ATAD3B: variants seen among roughly 807,000 people sequenced by gnomAD.
ATAD3B encodes the protein ATPase family AAA domain-containing protein 3B.
Under a neutral mutation model 70.2 loss-of-function variants are expected in ATAD3B, and 59 were observed. The observed-to-expected ratio is 0.84, with a 90% CI of 0.68 to 1.04. The LOEUF is 1.04. Ranked by LOEUF, ATAD3B falls within the 50% of genes least tolerant of loss-of-function variation. The probability of loss-of-function intolerance (pLI) is 0.00; values close to 1 mark genes in which losing one functional copy is unlikely to be tolerated. For missense variants in ATAD3B, 961 were observed against 913.4 expected, an observed-to-expected ratio of 1.05 and a Z score of -0.67; for synonymous variants, 423 against 388.6, an observed-to-expected ratio of 1.09 and a Z score of -1.04.
chr1:1,480,810 T>C (rs1475272985), intron 4 of ATAD3B, 57 bp from the exon 5 acceptor site: 9 of 1,591,780 alleles, frequency 5.7e-6, no homozygotes, highest in Non-Finnish European at 7.7e-6. Flanking sequence ...TCTGGATTGG[T>C]GTTGAGCATT....
chr1:1,500,193 C>T (rs557903652), downstream of ATAD3B, among the ~76,000 whole-genome samples: 80 of 150,710 alleles, frequency 5.3e-4, no homozygotes, highest in African/African-American at 1.8e-3. Flanking sequence ...CCACCGCACC[C>T]GGCCTACACT....
chr1:1,486,595 G>T lies in ATAD3B; in HGVS notation c.1141G>T (p.Val381Leu), dbSNP rs141377718. The T allele has an allele frequency of 6.2e-7, 1 of 1,611,456 alleles. No individual in the cohort carries two copies. The part of the protein sequence containing the change: ...MDYAIMTGGD[V>L]APMGREGVTA... ...CTACGCCATCATGACAGGCGGGGAC[G>T]TGGCCCCCATGGGGCGGGAAGGCGT... The change falls in exon 11 of 16, where the codon GTG (valine) becomes TTG (leucine). Residue 381 changes from valine (V) to leucine (L), a missense_variant. This residue lies in a region of ATAD3B where 349 missense variants were observed against 307.5 expected (regional missense o/e 1.14). Coordinates refer to ENST00000673477, the MANE Select transcript of ATAD3B (RefSeq NM_031921.6).
At chr1:1,480,727 C>A (rs541102985) in intron 4 of ATAD3B, 140 bp from the exon 5 acceptor site, 1 of 1,455,600 alleles carries the variant, frequency 6.9e-7, no homozygotes. Flanking sequence ...GTGTCTGTGT[C>A]AGGGTGCGGC....
chr1:1,482,467 G>A (rs1192437168), intron 6 of ATAD3B, 78 bp from the exon 7 acceptor site: 13 of 1,610,442 alleles, frequency 8.1e-6, no homozygotes, highest in Admixed American at 3.3e-5. Context: ...CCATGTCAGG[G>A]CCTCACCCTC....
rs1465989463 is a variant in ATAD3B at position 1,492,951 on chromosome 1, AAAG to A, written c.1614+2283_1614+2285del. Among the ~76,000 whole-genome samples the A allele has an allele frequency of 1.7e-4, 26 of 149,972 alleles. No individual in the cohort carries two copies. The East Asian group carries it at 4.3e-3, about 25-fold the overall frequency. On this transcript the variant is annotated intron_variant, in intron 15 of 15. Coordinates refer to ENST00000673477, the MANE Select transcript of ATAD3B (RefSeq NM_031921.6). The stretch of plus-strand genomic sequence containing the variant: ...GATACTCCATCTCCAAAAAAAAAAA[AAAG>A]AAAGAAATTAACCTGGTGTGGTAGC...
Position 1,490,264 on chromosome 1 carries a change from C to G in ATAD3B, c.1345C>G (p.Leu449Val), listed in dbSNP as rs373123252. 5.0e-6 allele frequency: 8 copies of G among 1,612,350 alleles called. No individual in the cohort carries two copies. The highest frequency in any genetic ancestry group is 5.9e-6 in the Non-Finnish European group (7 of 1,179,266). Residue 449 changes from leucine (L) to valine (V), a missense_variant, in exon 14 of 16, where the codon CTG becomes GTG. By Grantham distance (32) the Leu-to-Val change is conservative. Around this residue, in one of 4 missense-constraint regions of ATAD3B, gnomAD observed 417 missense variants for 335.0 expected, o/e 1.24. Coordinates refer to ENST00000673477, the MANE Select transcript of ATAD3B (RefSeq NM_031921.6). ...HMGQHSNKFMLVLASNLPEQF... is the reference protein window; with the variant it reads ...HMGQHSNKFMVVLASNLPEQF... ...CCCATCCCTGTCCTACAGATTCATG[C>G]TGGTCCTGGCCAGCAATCTGCCTGA...
chr1:1,483,084 G>A (rs1332448767), intron 7 of ATAD3B: 7 of 454,204 alleles, frequency 1.5e-5, no homozygotes, highest in Admixed American at 4.7e-5. Flanking sequence ...CACGAGGTCC[G>A]GAGATCGAGA....
intron 7 of ATAD3B, among the ~76,000 whole-genome samples, chr1:1,483,313 A>C (rs1024578822): frequency 3.3e-5 from 5 of 151,706 alleles, no homozygotes; most frequent in African/African-American, 1.2e-4. Flanking sequence ...CTAAAAATAC[A>C]AAAATTAGCA....
chr1:1,497,618 G>C lies in ATAD3B; in HGVS notation c.*1801G>C, dbSNP rs1640832075. ...TAGGTGGCTCACGCCTGTAATCCCA[G>C]CACTTTGGGAGGCCAAGGCGGGTGA... On this transcript the variant is annotated 3_prime_UTR_variant, in exon 16 of 16. Transcript: ENST00000673477. The C allele has an allele frequency of 1.3e-5, 2 of 151,832 alleles. No homozygotes were observed. Among genetic ancestry groups the C allele is most frequent in the Admixed American group, 1.3e-4 (2 of 15,238 alleles). 9.4% of individuals were successfully genotyped at this position (151,832 alleles called of 1,614,324 possible).
chr1:1,489,924 C>T (rs924265258), intron 13 of ATAD3B: 24 of 1,231,670 alleles, frequency 1.9e-5, no homozygotes, highest in Admixed American at 7.1e-5. Context: ...CTCTGGGTCC[C>T]GCATCCCTGC....
the ATAD3B span, chr1:1,503,535 C>T: frequency 5.8e-5 from 91 of 1,562,994 alleles, no homozygotes; most frequent in Middle Eastern, 3.6e-4. Flanking sequence ...GCCTGCCCAG[C>T]GGCATCCGTG....
intron 15 of ATAD3B, among the ~76,000 whole-genome samples, chr1:1,494,024 A>G (rs1640658585): frequency 6.6e-6 from 1 of 152,034 alleles, no homozygotes; most frequent in South Asian, 2.1e-4. Context: ...ACATGTGAAG[A>G]AATCAGGTCC....
chr1:1,505,318 T>C, the ATAD3B span, among the ~76,000 whole-genome samples: 3 of 152,124 alleles, frequency 2.0e-5, no homozygotes, highest in Non-Finnish European at 2.9e-5. Context: ...TCAGAGACTT[T>C]TAGTACTTTC....
At chr1:1,491,133 C>T (rs905318975) in intron 15 of ATAD3B, among the ~76,000 whole-genome samples, 5 of 151,808 alleles carry the variant, frequency 3.3e-5, no homozygotes, top group South Asian at 2.1e-4. Flanking sequence ...GACTGGCCTC[C>T]GATTGTCCCA....
downstream of ATAD3B, among the ~76,000 whole-genome samples, chr1:1,499,307 G>T (rs1205969480): frequency 1.4e-4 from 20 of 143,442 alleles, no homozygotes; most frequent in African/African-American, 4.7e-4. Flanking sequence ...TTTGGTCTCG[G>T]CTTACTGTAA....
rs1248224759 is a variant in ATAD3B, at chr1:1,491,882, C to T, written c.1614+1211C>T. 1.5e-4 allele frequency among the ~76,000 whole-genome samples: 23 copies of T among 151,918 alleles called. 1 individual carries two copies. The highest frequency in any genetic ancestry group is 2.8e-4 in the Non-Finnish European group (19 of 67,956). ...TCCCCACTTGGAACCAGGTCTGTTT[C>T]CACAACTCAGAAAGTGGAGGCTGGG... On this transcript the variant is annotated intron_variant, in intron 15 of 15. Transcript: ENST00000673477.
In ATAD3B at chr1:1,495,776, G is replaced by A. The variant is rs1401569392; in HGVS notation, c.1906G>A (p.Gly636Ser). 2.5e-6 allele frequency: 4 copies of A among 1,605,262 alleles called. No individual in the cohort carries two copies. Among genetic ancestry groups the A allele is most frequent in the Non-Finnish European group, 3.4e-6 (4 of 1,175,286 alleles). ...GPLSPRMSCG[G>S]GRPFCPPGHP... Reference sequence around the variant, plus strand: ...TCTGTCCCCCAGGATGTCTTGTGGTGGCGGTCGGCCGTTCTGCCCCCCAGG... The same window carrying A: ...TCTGTCCCCCAGGATGTCTTGTGGTAGCGGTCGGCCGTTCTGCCCCCCAGG... Residue 636 changes from glycine (G) to serine (S), a missense_variant, in exon 16 of 16, where the codon GGC (glycine) becomes AGC (serine). Physicochemically the swap from Gly to Ser is moderately conservative, Grantham distance 56 (BLOSUM62 0). Transcript: ENST00000673477.
chr1:1,484,987 G>T, intron 7 of ATAD3B, 29 bp from the exon 8 acceptor site: 1 of 1,589,172 alleles, frequency 6.3e-7, no homozygotes, highest in South Asian at 1.1e-5. Flanking sequence ...GGTGGGGGCC[G>T]GTGCGCCAGT....
rs1332540542 is a variant in ATAD3B at position 1,490,596 on chromosome 1, G to A, written c.1539G>A (p.Arg513=). The A allele has an allele frequency of 6.2e-6, 10 of 1,609,988 alleles. No homozygotes were observed. The highest frequency in any genetic ancestry group is 2.2e-5 in the East Asian group (1 of 44,748). ...RLKLAQFDYG[R]KCSEVARLTE... ...AGCTGGCCCAGTTTGACTACGGGAG[G>A]AAGTGCTCGGAGGTCGCTCGGCTGA... Residue 513 remains arginine, a synonymous_variant, in exon 15 of 16, where the codon AGG becomes AGA. Transcript: ENST00000673477.
Sources: gnomAD v4.1 joint callset for allele counts (sites outside exome capture counted in the v4.1 genomes callset) on GRCh38, gnomAD v4.1.1 for gene constraint, gnomAD v4.1.1 regional missense constraint, MANE v1.5 for transcripts, NCBI Gene and HGNC (gene_info 2026-07-23, HGNC 2026-07-21) for gene names.